The following MIS18A variants were observed in gnomAD, a reference collection of about 807,000 sequenced individuals.
The protein encoded by MIS18A is MIS18 kinetochore protein A.
In MIS18A, 14 loss-of-function variants were observed where a neutral mutation model predicts 25.0. The observed-to-expected ratio is 0.56, with a 90% CI of 0.37 to 0.88. The LOEUF is 0.88. Ranked by LOEUF, MIS18A falls within the 40% of genes least tolerant of loss-of-function variation. The pLI, the probability that MIS18A is intolerant of heterozygous loss-of-function variation, is 0.00. For synonymous variants in MIS18A, 134 were observed against 118.6 expected, an observed-to-expected ratio of 1.13 and a Z score of -0.84; for missense variants, 292 against 290.8, an observed-to-expected ratio of 1.00 and a Z score of -0.03.
At chr21:32,265,013 T>C (rs1252861311), downstream of MIS18A, among the ~76,000 whole-genome samples, 1 of 152,230 alleles carries the variant, frequency 6.6e-6, no homozygotes, top group African/African-American at 2.4e-5. Context: ...GGTTCTGGAA[T>C]CAGTTTCCCT....
At chr21:32,270,780 G>A (rs1055021928) in intron 2 of MIS18A, among the ~76,000 whole-genome samples, 3 of 152,210 alleles carry the variant, frequency 2.0e-5, no homozygotes, top group African/African-American at 7.2e-5. Context: ...TTGAGGTGGT[G>A]TTTTTCTAGA....
downstream of MIS18A, among the ~76,000 whole-genome samples, chr21:32,266,516 A>G (rs182771570): frequency 5.7e-4 from 86 of 152,094 alleles, 1 homozygote; most frequent in Middle Eastern, 3.4e-3. Context: ...TGTAACACTC[A>G]CCGCAAAGAT....
chr21:32,194,152 C>G, the MIS18A span, among the ~76,000 whole-genome samples: 1 of 152,140 alleles, frequency 6.6e-6, no homozygotes, highest in South Asian at 2.1e-4. Context: ...AGGACCCACA[C>G]GTGTGCCTTT....
chr21:32,238,060 C>T, the MIS18A span, among the ~76,000 whole-genome samples: 80 of 152,288 alleles, frequency 5.3e-4, no homozygotes, highest in African/African-American at 1.9e-3. Flanking sequence ...AATATGTCAA[C>T]ATCTGGCAAA....
the MIS18A span, among the ~76,000 whole-genome samples, chr21:32,248,698 C>G: frequency 6.6e-6 from 1 of 152,192 alleles, no homozygotes; most frequent in Non-Finnish European, 1.5e-5. Flanking sequence ...CCAAGATAGT[C>G]TGGTCTCATT....
At chr21:32,265,774 A>G (rs1341607703), downstream of MIS18A, among the ~76,000 whole-genome samples, 1 of 152,362 alleles carries the variant, frequency 6.6e-6, no homozygotes, top group Non-Finnish European at 1.5e-5. Context: ...GGGATCCACT[A>G]GGTGAAGCCA....
chr21:32,249,176 G>A, the MIS18A span, among the ~76,000 whole-genome samples: 4 of 152,148 alleles, frequency 2.6e-5, no homozygotes, highest in Non-Finnish European at 2.9e-5. Context: ...CTTCAAGCTC[G>A]GGAGGGGGCC....
the MIS18A span, among the ~76,000 whole-genome samples, chr21:32,188,498 C>A: frequency 0.15 from 22,871 of 152,182 alleles, 1,826 homozygotes; most frequent in East Asian, 0.25. Flanking sequence ...GAGAAAGACA[C>A]TAACTCTGTC....
chr21:32,239,679 C>T, the MIS18A span, among the ~76,000 whole-genome samples: 12 of 152,142 alleles, frequency 7.9e-5, no homozygotes, highest in African/African-American at 2.9e-4. Context: ...TTATAATATT[C>T]TGACCACAGA....
At chr21:32,249,923 T>G in the MIS18A span, among the ~76,000 whole-genome samples, 1 of 152,036 alleles carries the variant, frequency 6.6e-6, no homozygotes, top group Non-Finnish European at 1.5e-5. Flanking sequence ...TATATCAGGG[T>G]GTTTTCATGG....
chr21:32,186,395 G>A, the MIS18A span, among the ~76,000 whole-genome samples: 1 of 152,244 alleles, frequency 6.6e-6, no homozygotes, highest in South Asian at 2.1e-4. Flanking sequence ...TAGGCCTTAT[G>A]TTCTTTTCTT....
the MIS18A span, among the ~76,000 whole-genome samples, chr21:32,224,286 G>C: frequency 6.7e-6 from 1 of 148,192 alleles, no homozygotes; most frequent in African/African-American, 2.6e-5. Context: ...AGGGCAATCA[G>C]GCAGGAGAAG....
intron 3 of MIS18A, 29 bp from the exon 4 acceptor site, chr21:32,269,832 A>G: frequency 4.4e-6 from 6 of 1,357,502 alleles, no homozygotes; most frequent in Non-Finnish European, 6.3e-6. Flanking sequence ...TTAAAATACA[A>G]GCTGGGTGTG....
At chr21:32,200,927 G>A in the MIS18A span, among the ~76,000 whole-genome samples, 1 of 152,164 alleles carries the variant, frequency 6.6e-6, no homozygotes, top group Non-Finnish European at 1.5e-5. Flanking sequence ...GGATGACGAA[G>A]TCAACCTACC....
the MIS18A span, among the ~76,000 whole-genome samples, chr21:32,234,988 C>T: frequency 2.6e-5 from 4 of 152,320 alleles, no homozygotes; most frequent in African/African-American, 9.6e-5. Flanking sequence ...AGAGGAGCAC[C>T]TATTTCATTC....
At chr21:32,174,577 T>C in the MIS18A span, among the ~76,000 whole-genome samples, 1,089 of 152,252 alleles carry the variant, frequency 7.2e-3, 11 homozygotes, top group Non-Finnish European at 0.012. Context: ...CCCAGGAAGA[T>C]ACAACAAAAC....
chr21:32,204,014 A>G, the MIS18A span, among the ~76,000 whole-genome samples: 1 of 152,208 alleles, frequency 6.6e-6, no homozygotes, highest in Non-Finnish European at 1.5e-5. Flanking sequence ...GAGGAGCACA[A>G]GAATGTCTCA....
the MIS18A span, among the ~76,000 whole-genome samples, chr21:32,199,434 A>G: frequency 2.0e-5 from 3 of 152,094 alleles, no homozygotes; most frequent in Non-Finnish European, 4.4e-5. Context: ...TGAAAACAGA[A>G]AAAAAAATTT....
chr21:32,175,540 T>C, the MIS18A span, among the ~76,000 whole-genome samples: 2 of 151,264 alleles, frequency 1.3e-5, no homozygotes, highest in Non-Finnish European at 2.9e-5. Context: ...CTGGGCACAA[T>C]GGCTCACTCC....
Sources: gnomAD v4.1 joint callset for allele counts (sites outside exome capture counted in the v4.1 genomes callset) on GRCh38, gnomAD v4.1.1 for gene constraint, MANE v1.5 for transcripts, NCBI Gene and HGNC (gene_info 2026-07-23, HGNC 2026-07-21) for gene names.